The following TBC1D1 variants were observed in gnomAD, a reference collection of about 807,000 sequenced individuals.
TBC1D1 encodes the protein TBC1 (tre-2/USP6, BUB2, cdc16) domain family, member 1.
In TBC1D1, 89 loss-of-function variants were observed where a neutral mutation model predicts 125.6. The ratio of observed to expected loss-of-function variants is 0.71; its 90% CI spans 0.60 to 0.85. The LOEUF (loss-of-function observed/expected upper bound fraction) is 0.85, where lower values mean the gene tolerates loss of function less well. TBC1D1 is among the 40% of genes least tolerant of loss of function. The pLI, the probability that TBC1D1 is intolerant of heterozygous loss-of-function variation, is 0.00. For missense variants in TBC1D1, 1,377 were observed against 1,469.2 expected (o/e 0.94, Z 1.03); for synonymous variants, 565 against 564.1 (o/e 1.00, Z -0.02).
chr4:37,988,778 G>A (rs1015725226), intron 2 of TBC1D1, among the ~76,000 whole-genome samples: 3 of 152,054 alleles, frequency 2.0e-5, no homozygotes, highest in Non-Finnish European at 4.4e-5. Context: ...CCGATGGACC[G>A]CCCCCTCCTC....
chr4:37,894,550 T>C (rs1303479191), intron 1 of TBC1D1, among the ~76,000 whole-genome samples: 1 of 152,172 alleles, frequency 6.6e-6, no homozygotes, highest in African/African-American at 2.4e-5. Context: ...AGACAATGCG[T>C]GTATTTATCA....
chr4:38,044,459 T>C lies in TBC1D1; in HGVS notation c.1511T>C (p.Leu504Ser). Residue 504 changes from leucine to serine, a missense_variant, in exon 9 of 20, where the codon TTA becomes TCA. By Grantham distance (145) the Leu-to-Ser change is moderately radical. Coordinates refer to ENST00000261439, the MANE Select transcript of TBC1D1 (RefSeq NM_015173.4). The stretch of plus-strand genomic sequence containing the variant: ...CTGAAAAACAAAGCAAAGAGATCTT[T>C]AACAGAGTCTTTAGAAAGTATTTTG... 1 of 1,613,000 alleles carries C rather than the reference T, an allele frequency of 6.2e-7. No individual in the cohort carries two copies. The highest frequency in any genetic ancestry group is 8.5e-7 in the Non-Finnish European group (1 of 1,179,790).
intron 2 of TBC1D1, among the ~76,000 whole-genome samples, chr4:37,926,964 A>G (rs56108943): frequency 0.14 from 21,385 of 152,044 alleles, 1,577 homozygotes; most frequent in Admixed American, 0.19. Flanking sequence ...TAAAAATACA[A>G]AAATTACCCG....
chr4:37,931,236 G>T (rs1347732561), intron 2 of TBC1D1, among the ~76,000 whole-genome samples: 1 of 152,032 alleles, frequency 6.6e-6, no homozygotes, highest in East Asian at 1.9e-4. Flanking sequence ...CCAAGGAACT[G>T]CAGGTGCCTG....
At chr4:37,967,878 T>A (rs1196273841) in intron 2 of TBC1D1, among the ~76,000 whole-genome samples, 4 of 152,198 alleles carry the variant, frequency 2.6e-5, no homozygotes, top group African/African-American at 9.6e-5. Flanking sequence ...ACTCTAAATT[T>A]TTACAGTGTT....
chr4:37,968,585 A>G (rs906994071), intron 2 of TBC1D1, among the ~76,000 whole-genome samples: 1 of 152,260 alleles, frequency 6.6e-6, no homozygotes, highest in African/African-American at 2.4e-5. Flanking sequence ...GTACTCCTCA[A>G]TAAGTCCTCA....
intron 2 of TBC1D1, among the ~76,000 whole-genome samples, chr4:37,906,697 T>C (rs1006028623): frequency 1.3e-5 from 2 of 152,250 alleles, no homozygotes; most frequent in African/African-American, 4.8e-5. Context: ...TACAAGTTAA[T>C]ACAAGTTTAT....
intron 2 of TBC1D1, among the ~76,000 whole-genome samples, chr4:37,911,445 A>G (rs888049803): frequency 2.6e-5 from 4 of 151,958 alleles, no homozygotes; most frequent in South Asian, 2.1e-4. Context: ...AAGACACTGG[A>G]TTGGGGTTGA....
Position 38,014,691 on chromosome 4 carries a change from C to T in TBC1D1, c.600C>T (p.Phe200=), listed in dbSNP as rs997710017. Residue 200 remains phenylalanine (F), a synonymous_variant, in exon 3 of 20, where the codon TTC becomes TTT. Coordinates refer to ENST00000261439, the MANE Select transcript of TBC1D1 (RefSeq NM_015173.4). The surrounding 1 kb of genome is among the most constrained non-coding windows in gnomAD (Gnocchi z 5.1). ...TGATCGACGAGTGCATCGAGAAGTT[C>T]AATCACGTCAGCGGCAGCCGGGGGT... The T allele has an allele frequency of 5.6e-6, 9 of 1,613,042 alleles. No individual in the cohort carries two copies. The Admixed American group carries it at 6.7e-5, about 12-fold the overall frequency.
chr4:38,005,710 T>C (rs4144802), intron 2 of TBC1D1, among the ~76,000 whole-genome samples: 88,943 of 152,086 alleles, frequency 0.58, 27,055 homozygotes, highest in East Asian at 0.89. Flanking sequence ...AAAATTCCTT[T>C]GCTGTGTTTT....
intron 12 of TBC1D1, among the ~76,000 whole-genome samples, chr4:38,070,061 C>A (rs1754442146): frequency 6.6e-6 from 1 of 152,104 alleles, no homozygotes. Context: ...CTCCAGCCAC[C>A]ATAAGTTGGT....
At chr4:38,015,084 A>G (rs1246470935) in intron 3 of TBC1D1, 111 bp downstream of exon 3, 2 of 901,696 alleles carry the variant, frequency 2.2e-6, no homozygotes, top group East Asian at 5.4e-5. Flanking sequence ...TTATGTGTGA[A>G]TCCATATATT....
rs114681767 is a variant in TBC1D1, at chr4:38,086,007, G to A, written c.2051-3925G>A. On this transcript the variant is annotated intron_variant, in intron 12 of 19. Transcript: ENST00000261439. ...TGGATCTTTTTGCATTGTTGAGAAA[G>A]CAGCTTACTTTCTTTGGACTGATTC... Among the ~76,000 whole-genome samples the A allele has an allele frequency of 9.8e-3, 1,489 of 152,284 alleles. 11 individuals carry two copies. Among genetic ancestry groups the A allele is most frequent in the South Asian group, 0.018 (86 of 4,826 alleles).
chr4:38,081,219 G>A (rs113720800), intron 12 of TBC1D1, among the ~76,000 whole-genome samples: 16 of 152,164 alleles, frequency 1.1e-4, no homozygotes, highest in African/African-American at 3.9e-4. Flanking sequence ...AGCTTCTCTT[G>A]TGTTTGTTTT....
chr4:37,910,357 T>C (rs1718319625), intron 2 of TBC1D1, among the ~76,000 whole-genome samples: 1 of 152,206 alleles, frequency 6.6e-6, no homozygotes, highest in Non-Finnish European at 1.5e-5. Flanking sequence ...AAATGAGATA[T>C]GCTGTAAGTA....
chr4:37,919,928 C>T (rs1018695854), intron 2 of TBC1D1, among the ~76,000 whole-genome samples: 1 of 152,074 alleles, frequency 6.6e-6, no homozygotes, highest in Admixed American at 6.6e-5. Context: ...CTGGCTAACA[C>T]GGTGCAACTC....
intron 12 of TBC1D1, among the ~76,000 whole-genome samples, chr4:38,064,285 C>CTG (rs1224840652): frequency 6.6e-6 from 1 of 152,188 alleles, no homozygotes; most frequent in East Asian, 1.9e-4. Flanking sequence ...GATAATACCG[C>CTG]TGTGAACATT....
At position 38,049,820 on chromosome 4, in the gene TBC1D1, C is replaced by G. The variant is rs1578428049; in HGVS notation, c.1832C>G (p.Ala611Gly). 6.2e-7 allele frequency: 1 copy of G among 1,614,142 alleles called. No homozygotes were observed. Among genetic ancestry groups the G allele is most frequent in the South Asian group, 1.1e-5 (1 of 91,078 alleles). ...GAATGCCAGGAACCTCCACAACCTG[C>G]CCGGGGGTCCCCGGGGGTTTCGCAA... Residue 611 changes from alanine to glycine, a missense_variant, in exon 11 of 20, where the codon GCC becomes GGC. Physicochemically the swap from Ala to Gly is moderately conservative, Grantham distance 60. Coordinates refer to ENST00000261439, the MANE Select transcript of TBC1D1 (RefSeq NM_015173.4).
At chr4:37,960,542 T>A in intron 2 of TBC1D1, 1 of 1,614,144 alleles carries the variant, frequency 6.2e-7, no homozygotes, top group Non-Finnish European at 8.5e-7. Flanking sequence ...AAGCATTAGA[T>A]GGGATATCTC....
Sources: allele counts gnomAD v4.1 joint callset (sites outside exome capture counted in the v4.1 genomes callset), GRCh38; gene constraint gnomAD v4.1.1; non-coding constraint Gnocchi (gnomAD v3.1); transcripts MANE v1.5; gene names NCBI Gene and HGNC (gene_info 2026-07-23, HGNC 2026-07-21).